Variants in RFTN1 observed in about 807,000 individuals in gnomAD.
RFTN1 encodes the protein raftlin, lipid raft linker 1.
RFTN1 carries 26 observed loss-of-function variants against 46.5 expected under a neutral mutation model. The ratio of observed to expected loss-of-function variants is 0.56; its 90% CI spans 0.41 to 0.78. The LOEUF (loss-of-function observed/expected upper bound fraction) is 0.78, where lower values mean the gene tolerates loss of function less well. RFTN1 is among the 30% of genes least tolerant of loss of function. RFTN1 has a pLI of 0.00. For missense variants in RFTN1, 693 were observed against 718.7 expected, an observed-to-expected ratio of 0.96 and a Z score of 0.41; for synonymous variants, 261 against 284.2, an observed-to-expected ratio of 0.92 and a Z score of 0.82.
At chr3:16,438,019 T>C (rs2075549145) in intron 2 of RFTN1, among the ~76,000 whole-genome samples, 1 of 152,066 alleles carries the variant, frequency 6.6e-6, no homozygotes, top group South Asian at 2.1e-4. Flanking sequence ...CAATCAAACC[T>C]AAAAATACTA....
chr3:16,355,819 A>C (rs1184218732), intron 7 of RFTN1, among the ~76,000 whole-genome samples: 1 of 152,224 alleles, frequency 6.6e-6, no homozygotes. Flanking sequence ...CAGTCACATT[A>C]ATTTTTAAGA....
Position 16,426,539 on chromosome 3 carries a change from C to T in RFTN1, c.332+7312G>A, listed in dbSNP as rs956156853. The stretch of plus-strand genomic sequence containing the variant: ...ATGCATTTGTACTTCACTTATGGTC[C>T]GCAAAGATTTCCTTTCTTTGAAGGC... On this transcript the variant is annotated intron_variant, in intron 3 of 9. Coordinates refer to ENST00000334133, the MANE Select transcript of RFTN1 (RefSeq NM_015150.2). The surrounding 1 kb of genome is among the most constrained non-coding windows in gnomAD (Gnocchi z 5.9). Among the ~76,000 whole-genome samples, 8 of 151,832 alleles carry T rather than the reference C, an allele frequency of 5.3e-5. No individual in the cohort carries two copies. The highest frequency in any genetic ancestry group is 3.9e-4 in the Admixed American group (6 of 15,246).
rs1356834102 is a variant in RFTN1 at position 16,352,880 on chromosome 3, A to C, written c.1146+5052T>G. ...GCTTGGAATCAGAGAGGCAGGATGC[A>C]CACTCAGGCCAGACTCTGGAATCTC... On this transcript the variant is annotated intron_variant, in intron 7 of 9. Coordinates refer to ENST00000334133, the MANE Select transcript of RFTN1 (RefSeq NM_015150.2). This position sits in a 1 kb window ranked among gnomAD's most constrained non-coding sequence, Gnocchi z 4.6. Among the ~76,000 whole-genome samples, 1 of 152,264 alleles carries C rather than the reference A, an allele frequency of 6.6e-6. No individual in the cohort carries two copies. Among genetic ancestry groups the C allele is most frequent in the African/African-American group, 2.4e-5 (1 of 41,470 alleles).
chr3:16,395,753 A>G (rs931542200), intron 4 of RFTN1, among the ~76,000 whole-genome samples: 6 of 152,202 alleles, frequency 3.9e-5, no homozygotes, highest in African/African-American at 1.4e-4. Flanking sequence ...GTTAAGTACA[A>G]CTTTACTTTG....
chr3:16,456,824 T>C (rs1223759272), intron 2 of RFTN1, among the ~76,000 whole-genome samples: 1 of 152,192 alleles, frequency 6.6e-6, no homozygotes, highest in African/African-American at 2.4e-5. Flanking sequence ...TTAGTATCAT[T>C]TTGAAAATAG....
At chr3:16,333,078 C>T (rs557901742) in intron 7 of RFTN1, among the ~76,000 whole-genome samples, 12 of 152,190 alleles carry the variant, frequency 7.9e-5, no homozygotes, top group Non-Finnish European at 1.6e-4. Flanking sequence ...ATAACTCATG[C>T]CTGAACAAAG....
intron 2 of RFTN1, among the ~76,000 whole-genome samples, chr3:16,461,257 A>G (rs1425019765): frequency 2.0e-5 from 3 of 152,234 alleles, no homozygotes; most frequent in Admixed American, 1.3e-4. Context: ...GGCTCAATAA[A>G]AAAAAACAAC....
chr3:16,477,534 G>A (rs1168123535), intron 2 of RFTN1, among the ~76,000 whole-genome samples: 3 of 152,152 alleles, frequency 2.0e-5, no homozygotes, highest in Admixed American at 6.6e-5. Context: ...AAAAGAAAAA[G>A]GAGAAAAACA....
rs899608203 is a variant in RFTN1, at chr3:16,361,891, G to A, written c.1031-3844C>T. Among the ~76,000 whole-genome samples, 6 of 152,212 alleles carry A rather than the reference G, an allele frequency of 3.9e-5. No homozygotes were observed. Among genetic ancestry groups the A allele is most frequent in the African/African-American group, 1.4e-4 (6 of 41,448 alleles). On this transcript the variant is annotated intron_variant, in intron 6 of 9. Transcript: ENST00000334133. This position sits in a 1 kb window ranked among gnomAD's most constrained non-coding sequence, Gnocchi z 4.3. ...GAAGGACAAATGGAGCAGAGCTGCC[G>A]CAGTGGAGCCCAGCTGAGACCAGTT...
At chr3:16,510,690 A>G (rs541230419) in intron 1 of RFTN1, among the ~76,000 whole-genome samples, 1 of 152,214 alleles carries the variant, frequency 6.6e-6, no homozygotes, top group Admixed American at 6.5e-5. Flanking sequence ...GTAAAATGGT[A>G]TAACCATGTT....
intron 2 of RFTN1, among the ~76,000 whole-genome samples, chr3:16,438,799 C>T (rs1418717532): frequency 6.6e-5 from 10 of 151,862 alleles, no homozygotes; most frequent in Non-Finnish European, 8.8e-5. Context: ...CAATCACAGG[C>T]GGTGGCACTG....
intron 2 of RFTN1, among the ~76,000 whole-genome samples, chr3:16,471,275 C>T (rs1467766089): frequency 1.3e-5 from 2 of 152,212 alleles, no homozygotes; most frequent in Non-Finnish European, 2.9e-5. Context: ...TCACAGTCTA[C>T]TTTATGCAGT....
chr3:16,323,978 C>T (rs2069381885), intron 8 of RFTN1, among the ~76,000 whole-genome samples: 1 of 152,186 alleles, frequency 6.6e-6, no homozygotes, highest in Non-Finnish European at 1.5e-5. Context: ...TGCCTGTTAA[C>T]CAGCTCTGGC....
intron 8 of RFTN1, among the ~76,000 whole-genome samples, chr3:16,325,590 C>T (rs2069612023): frequency 6.6e-6 from 1 of 152,140 alleles, no homozygotes; most frequent in African/African-American, 2.4e-5. Context: ...AGTCTTCAGG[C>T]CCCAAATCCA....
chr3:16,364,943 G>A (rs1188654087), intron 6 of RFTN1, among the ~76,000 whole-genome samples: 1 of 152,186 alleles, frequency 6.6e-6, no homozygotes, highest in East Asian at 1.9e-4. Flanking sequence ...TCTCTGTGCT[G>A]GTGACATGGG....
rs1460227906 is a variant in RFTN1, at chr3:16,440,511, G to C, written c.146-6474C>G. Among the ~76,000 whole-genome samples the C allele has an allele frequency of 6.6e-6, 1 of 152,088 alleles. No individual in the cohort carries two copies. Among genetic ancestry groups the C allele is most frequent in the South Asian group, 2.1e-4 (1 of 4,822 alleles). On this transcript the variant is annotated intron_variant, in intron 2 of 9. Transcript: ENST00000334133. The surrounding 1 kb of genome is among the most constrained non-coding windows in gnomAD (Gnocchi z 4.6). ...TCTCTCCTGGCTTCTCCCCTACCTG[G>C]GCAGGGGCAGAGTCTCATCTCCTTA...
chr3:16,511,139 G>A (rs1047341703), intron 1 of RFTN1, among the ~76,000 whole-genome samples: 1 of 152,202 alleles, frequency 6.6e-6, no homozygotes, highest in Non-Finnish European at 1.5e-5. Flanking sequence ...GAATGACTGA[G>A]AATGAGGATG....
At chr3:16,462,724 T>C (rs1196945509) in intron 2 of RFTN1, among the ~76,000 whole-genome samples, 1 of 152,248 alleles carries the variant, frequency 6.6e-6, no homozygotes, top group Non-Finnish European at 1.5e-5. Context: ...TACGTATCTA[T>C]TGCTTTAAAC....
At chr3:16,477,111 A>G (rs1284657020) in intron 2 of RFTN1, among the ~76,000 whole-genome samples, 1 of 152,254 alleles carries the variant, frequency 6.6e-6, no homozygotes, top group African/African-American at 2.4e-5. Context: ...TGGTGCCTCC[A>G]TTAAAGCACA....
Sources: gnomAD v4.1 joint callset for allele counts (sites outside exome capture counted in the v4.1 genomes callset) on GRCh38, gnomAD v4.1.1 for gene constraint, Gnocchi (gnomAD v3.1) non-coding constraint, MANE v1.5 for transcripts, NCBI Gene and HGNC (gene_info 2026-07-23, HGNC 2026-07-21) for gene names.